Variants in ANKRD30A observed in about 807,000 individuals in gnomAD.
ANKRD30A encodes ankyrin repeat domain 30A, also known as ankyrin repeat domain-containing protein 30A.
ANKRD30A carries 170 observed loss-of-function variants against 166.3 expected under a neutral mutation model. The ratio of observed to expected loss-of-function variants is 1.02; its 90% CI spans 0.90 to 1.16. The LOEUF is 1.16. ANKRD30A is among the 50% of genes most tolerant of loss of function. The probability of loss-of-function intolerance (pLI) is 0.00; values close to 1 mark genes in which losing one functional copy is unlikely to be tolerated. For synonymous variants in ANKRD30A, 564 were observed against 508.9 expected, an observed-to-expected ratio of 1.11 and a Z score of -1.46; for missense variants, 1,630 against 1,518.0, an observed-to-expected ratio of 1.07 and a Z score of -1.23.
At chr10:37,244,482 T>C in the ANKRD30A span, among the ~76,000 whole-genome samples, 9 of 152,224 alleles carry the variant, frequency 5.9e-5, no homozygotes, top group Non-Finnish European at 7.3e-5. Flanking sequence ...TTTTCATCCA[T>C]GTTAGAATGA....
chr10:37,190,449 G>A (rs1344515546), intron 25 of ANKRD30A, among the ~76,000 whole-genome samples: 1 of 151,698 alleles, frequency 6.6e-6, no homozygotes, highest in South Asian at 2.1e-4. Flanking sequence ...AAGAAGAAAG[G>A]AGCAATGCAA....
chr10:37,254,783 A>G, the ANKRD30A span, among the ~76,000 whole-genome samples: 2 of 147,770 alleles, frequency 1.4e-5, no homozygotes, highest in African/African-American at 2.5e-5. Context: ...TCCCGGGTTC[A>G]CACCATTCTC....
chr10:37,251,967 G>A, the ANKRD30A span, among the ~76,000 whole-genome samples: 29 of 152,162 alleles, frequency 1.9e-4, no homozygotes, highest in South Asian at 6.0e-3. Context: ...ACTGATTCGA[G>A]GTTAAAACTA....
intron 31 of ANKRD30A, among the ~76,000 whole-genome samples, chr10:37,201,951 A>G (rs1841651792): frequency 6.6e-6 from 1 of 152,044 alleles, no homozygotes; most frequent in African/African-American, 2.4e-5. Flanking sequence ...TTTTCATAGA[A>G]AATCAGCGGG....
At chr10:37,165,810 G>C (rs1424100811) in intron 18 of ANKRD30A, among the ~76,000 whole-genome samples, 1 of 152,114 alleles carries the variant, frequency 6.6e-6, no homozygotes, top group African/African-American at 2.4e-5. Context: ...TCAAATCATA[G>C]TGATGTATTT....
chr10:37,149,987 T>C lies in ANKRD30A; in HGVS notation c.1645+138T>C. 4 of 1,227,400 alleles carry C rather than the reference T, an allele frequency of 3.3e-6. No individual in the cohort carries two copies. The Admixed American group carries it at 1.2e-4, about 35-fold the overall frequency. 76.0% of individuals were successfully genotyped at this position (1,227,400 alleles called of 1,614,324 possible). A position where few individuals can be genotyped will look rare whatever the true frequency, so the allele number is the denominator to read the frequency against. ...TAGATAATGCCAATACTGGTATTGA[T>C]GTTTGAAAACCTGATATTACAAGAA... On this transcript the variant is annotated intron_variant, in intron 11 of 35. Transcript: ENST00000361713.
At chr10:37,221,329 T>C (rs1842889503) in intron 34 of ANKRD30A, among the ~76,000 whole-genome samples, 1 of 151,242 alleles carries the variant, frequency 6.6e-6, no homozygotes, top group African/African-American at 2.4e-5. Context: ...TGTCAGGTCA[T>C]TGTGAGACAA....
chr10:37,191,048 T>C (rs966201651), intron 25 of ANKRD30A, among the ~76,000 whole-genome samples: 2 of 151,890 alleles, frequency 1.3e-5, no homozygotes, highest in East Asian at 1.9e-4. Context: ...AAATTGTTGT[T>C]ATTCGTAGGT....
rs536707264 is a variant in ANKRD30A at position 37,159,984 on chromosome 10, G to A, written c.1900+1398G>A. Among the ~76,000 whole-genome samples the A allele has an allele frequency of 2.6e-5, 4 of 152,178 alleles. No individual in the cohort carries two copies. The South Asian group carries it at 8.3e-4, about 32-fold the overall frequency. On this transcript the variant is annotated intron_variant, in intron 15 of 35. Transcript: ENST00000361713. ...AAAGTACTGGAATTACAGGCGTGAG[G>A]CACCGTGCCCGGCCGATGTCTGAAA...
chr10:37,178,165 T>C (rs1839882708), intron 24 of ANKRD30A, among the ~76,000 whole-genome samples: 1 of 151,236 alleles, frequency 6.6e-6, no homozygotes, highest in South Asian at 2.1e-4. Flanking sequence ...TTGGGAAGAA[T>C]ATAATGTGAC....
intron 1 of ANKRD30A, 38 bp downstream of exon 1, chr10:37,126,046 G>T (rs1835986598): frequency 1.9e-6 from 3 of 1,601,830 alleles, no homozygotes; most frequent in Admixed American, 1.7e-5. Context: ...GCAGGAGGAG[G>T]TGGGGGCGGT....
At chr10:37,171,642 T>C (rs1229270806) in intron 21 of ANKRD30A, among the ~76,000 whole-genome samples, 20 of 151,694 alleles carry the variant, frequency 1.3e-4, no homozygotes, top group Non-Finnish European at 2.7e-4. Context: ...AAATAACAAA[T>C]GGGCTCTTGT....
intron 6 of ANKRD30A, among the ~76,000 whole-genome samples, chr10:37,139,542 T>C (rs535766485): frequency 2.0e-5 from 3 of 152,368 alleles, no homozygotes; most frequent in African/African-American, 7.2e-5. Context: ...GTATCCACTT[T>C]AAGCTATTTA....
At chr10:37,130,471 C>T (rs2132507116) in intron 3 of ANKRD30A, 93 bp downstream of exon 3, 3 of 997,624 alleles carry the variant, frequency 3.0e-6, no homozygotes, top group African/African-American at 1.7e-5. Context: ...GAAGCTCAAA[C>T]ATTCCTTGAA....
intron 34 of ANKRD30A, among the ~76,000 whole-genome samples, chr10:37,223,556 C>T (rs960368054): frequency 3.3e-5 from 5 of 151,272 alleles, no homozygotes; most frequent in African/African-American, 9.7e-5. Flanking sequence ...TTATTGTTAG[C>T]ATTTAGTATT....
chr10:37,203,098 C>G (rs1841754965), intron 31 of ANKRD30A, among the ~76,000 whole-genome samples: 1 of 152,054 alleles, frequency 6.6e-6, no homozygotes, highest in Non-Finnish European at 1.5e-5. Flanking sequence ...TGATTCCAAT[C>G]AATAGAAAAA....
the ANKRD30A span, among the ~76,000 whole-genome samples, chr10:37,265,238 G>A: frequency 2.0e-5 from 3 of 152,040 alleles, no homozygotes; most frequent in African/African-American, 7.2e-5. Context: ...TGATGAACTG[G>A]ATCATGGAAT....
the ANKRD30A span, among the ~76,000 whole-genome samples, chr10:37,258,194 G>A: frequency 6.6e-6 from 1 of 152,152 alleles, no homozygotes. Flanking sequence ...TGAACAGAAA[G>A]ATTCTATATT....
At chr10:37,194,118 C>T (rs547198078) in intron 27 of ANKRD30A, among the ~76,000 whole-genome samples, 5 of 151,986 alleles carry the variant, frequency 3.3e-5, no homozygotes, top group East Asian at 2.0e-4. Context: ...ATGGCTTGAA[C>T]GTAGGAGGCA....
Sources: gnomAD v4.1 joint callset for allele counts (sites outside exome capture counted in the v4.1 genomes callset) on GRCh38, gnomAD v4.1.1 for gene constraint, MANE v1.5 for transcripts, NCBI Gene and HGNC (gene_info 2026-07-23, HGNC 2026-07-21) for gene names.